MTHFS: variants seen among roughly 807,000 people sequenced by gnomAD.
The protein encoded by MTHFS is 5-formyltetrahydrofolate cyclo-ligase.
MTHFS carries 7 observed loss-of-function variants against 12.7 expected under a neutral mutation model. The ratio of observed to expected loss-of-function variants is 0.55; its 90% CI spans 0.31 to 1.03. The LOEUF (loss-of-function observed/expected upper bound fraction) is 1.03, where lower values mean the gene tolerates loss of function less well. Ranked by LOEUF, MTHFS falls within the 50% of genes least tolerant of loss-of-function variation. The pLI is 0.05. For missense variants in MTHFS, 252 were observed against 258.1 expected (o/e 0.98, Z 0.16); for synonymous variants, 100 against 97.1 (o/e 1.03, Z -0.18).
intron 2 of MTHFS, among the ~76,000 whole-genome samples, chr15:79,861,639 G>A (rs1373022560): frequency 6.6e-6 from 1 of 152,170 alleles, no homozygotes; most frequent in Non-Finnish European, 1.5e-5. Context: ...TATCTATCAG[G>A]ATGTTCTTTT....
rs917038944 is a variant in MTHFS, at chr15:79,844,760, T to G, written c.*450A>C. ...AAGTGAGATAATATTCTTAGGGAATTCTGTATCCAAAGCAAATACCAACAA... is the reference window on the plus strand; with the variant it reads ...AAGTGAGATAATATTCTTAGGGAATGCTGTATCCAAAGCAAATACCAACAA... On this transcript the variant is annotated 3_prime_UTR_variant, in exon 3 of 3. Transcript: ENST00000258874. Among the ~76,000 whole-genome samples, 1 of 152,156 alleles carries G rather than the reference T, an allele frequency of 6.6e-6. No individual in the cohort carries two copies. Among genetic ancestry groups the G allele is most frequent in the African/African-American group, 2.4e-5 (1 of 41,434 alleles).
chr15:79,871,961 C>T (rs776521003), intron 2 of MTHFS, among the ~76,000 whole-genome samples: 9 of 151,574 alleles, frequency 5.9e-5, no homozygotes, highest in Non-Finnish European at 7.4e-5. Flanking sequence ...AAAAATTAGC[C>T]GGGCATGGTG....
At chr15:79,866,659 G>C (rs546784804) in intron 2 of MTHFS, among the ~76,000 whole-genome samples, 1 of 152,252 alleles carries the variant, frequency 6.6e-6, no homozygotes, top group African/African-American at 2.4e-5. Flanking sequence ...CTTAAGAACT[G>C]CTAGTGATTG....
At chr15:79,889,458 T>TAAAAAAAAA in intron 1 of MTHFS, 104 bp from the exon 2 acceptor site, 1 of 1,100,862 alleles carries the variant, frequency 9.1e-7, no homozygotes, top group Non-Finnish European at 1.2e-6. Flanking sequence ...TCTTTAAATA[T>TAAAAAAAAA]TAAAAAGAAA....
chr15:79,879,715 G>T (rs987671424), intron 2 of MTHFS, among the ~76,000 whole-genome samples: 146 of 152,102 alleles, frequency 9.6e-4, no homozygotes, highest in African/African-American at 3.1e-3. Context: ...TAAATCAGTG[G>T]CTTTCAAACA....
intron 1 of MTHFS, among the ~76,000 whole-genome samples, chr15:79,894,105 C>G (rs1239530293): frequency 6.6e-6 from 1 of 152,166 alleles, no homozygotes; most frequent in East Asian, 1.9e-4. Context: ...AAAGTTCGAG[C>G]CAGGCACAGT....
chr15:79,863,918 G>C (rs775967898), intron 2 of MTHFS, among the ~76,000 whole-genome samples: 2 of 152,244 alleles, frequency 1.3e-5, no homozygotes, highest in South Asian at 2.1e-4. Flanking sequence ...ACATGCAGCC[G>C]AATCTGATTC....
intron 1 of MTHFS, among the ~76,000 whole-genome samples, chr15:79,890,762 C>G (rs968363728): frequency 6.6e-6 from 1 of 151,976 alleles, no homozygotes; most frequent in Non-Finnish European, 1.5e-5. Flanking sequence ...CACATCAAAC[C>G]AGTCTAAGGA....
At chr15:79,854,231 T>G (rs1384197063) in intron 2 of MTHFS, among the ~76,000 whole-genome samples, 3 of 152,126 alleles carry the variant, frequency 2.0e-5, no homozygotes, top group African/African-American at 4.8e-5. Context: ...TAGAAAAGAT[T>G]AATAAAGAGA....
intron 2 of MTHFS, among the ~76,000 whole-genome samples, chr15:79,858,715 T>TAA (rs2033855263): frequency 6.6e-6 from 1 of 152,198 alleles, no homozygotes; most frequent in Non-Finnish European, 1.5e-5. Flanking sequence ...ATCCATCTCA[T>TAA]AAATAGCCTT....
intron 2 of MTHFS, among the ~76,000 whole-genome samples, chr15:79,875,415 C>G (rs2034176630): frequency 6.6e-6 from 1 of 152,090 alleles, no homozygotes; most frequent in South Asian, 2.1e-4. Flanking sequence ...GCCAAGAATT[C>G]TATCTCCAGC....
chr15:79,863,259 G>C (rs1288759519), intron 2 of MTHFS, among the ~76,000 whole-genome samples: 1 of 152,148 alleles, frequency 6.6e-6, no homozygotes, highest in African/African-American at 2.4e-5. Context: ...TCCACTCCCA[G>C]TTTCTTTGGC....
chr15:79,861,904 C>T (rs2141351186), intron 2 of MTHFS, among the ~76,000 whole-genome samples: 1 of 152,184 alleles, frequency 6.6e-6, no homozygotes, highest in African/African-American at 2.4e-5. Context: ...TAGAAGGATA[C>T]ACAAGTATGT....
At chr15:79,860,199 C>T (rs2033886285) in intron 2 of MTHFS, among the ~76,000 whole-genome samples, 1 of 152,088 alleles carries the variant, frequency 6.6e-6, no homozygotes, top group Non-Finnish European at 1.5e-5. Context: ...ACCATCCTGG[C>T]TAACATGGTG....
At chr15:79,894,267 G>C (rs2034526805) in intron 1 of MTHFS, among the ~76,000 whole-genome samples, 1 of 152,116 alleles carries the variant, frequency 6.6e-6, no homozygotes, top group Non-Finnish European at 1.5e-5. Context: ...TGTAATCCCA[G>C]CTACTTGGGA....
chr15:79,851,285 G>T (rs760165036), intron 2 of MTHFS, among the ~76,000 whole-genome samples: 3 of 152,152 alleles, frequency 2.0e-5, no homozygotes, highest in Non-Finnish European at 4.4e-5. Context: ...TAAGTAGTAG[G>T]AATCCTTCTC....
At chr15:79,852,280 AT>A (rs1369913786) in intron 2 of MTHFS, among the ~76,000 whole-genome samples, 4 of 152,354 alleles carry the variant, frequency 2.6e-5, no homozygotes, top group Non-Finnish European at 5.9e-5. Flanking sequence ...CACTCTTCAT[AT>A]AAAACAGTAC....
intron 2 of MTHFS, among the ~76,000 whole-genome samples, chr15:79,884,680 G>A (rs1434686015): frequency 6.6e-6 from 1 of 152,246 alleles, no homozygotes; most frequent in Admixed American, 6.5e-5. Context: ...CTACAAAGTG[G>A]CTGCTAACAG....
chr15:79,867,189 G>A (rs2034026447), intron 2 of MTHFS, among the ~76,000 whole-genome samples: 1 of 151,954 alleles, frequency 6.6e-6, no homozygotes, highest in South Asian at 2.1e-4. Context: ...CAGGTATATT[G>A]TCAGAGCTAT....
Sources: allele counts gnomAD v4.1 joint callset (sites outside exome capture counted in the v4.1 genomes callset), GRCh38; gene constraint gnomAD v4.1.1; transcripts MANE v1.5; gene names NCBI Gene and HGNC (gene_info 2026-07-23, HGNC 2026-07-21).